Variants in STIM2 observed in about 807,000 individuals in gnomAD.
STIM2 encodes stromal interaction molecule 2.
A neutral mutation model predicts 85.8 loss-of-function variants in STIM2; 31 were observed. The ratio of observed to expected loss-of-function variants is 0.36; its 90% CI spans 0.27 to 0.49. The LOEUF is 0.49. STIM2 is among the 20% of genes least tolerant of loss of function. STIM2 has a pLI of 0.98. For synonymous variants in STIM2, 356 were observed against 331.1 expected, an observed-to-expected ratio of 1.08 and a Z score of -0.82; for missense variants, 841 against 927.6, an observed-to-expected ratio of 0.91 and a Z score of 1.21.
chr4:26,947,182 A>G (rs1725865337), intron 2 of STIM2, among the ~76,000 whole-genome samples: 1 of 152,108 alleles, frequency 6.6e-6, no homozygotes, highest in African/African-American at 2.4e-5. Context: ...ATAACATCAG[A>G]ACTTAGGAGG....
intron 11 of STIM2, among the ~76,000 whole-genome samples, chr4:27,020,742 G>A (rs1016972172): frequency 3.9e-5 from 6 of 152,190 alleles, no homozygotes; most frequent in African/African-American, 1.2e-4. Flanking sequence ...TCTAAGGTAA[G>A]AGATCATTTA....
intron 10 of STIM2, among the ~76,000 whole-genome samples, chr4:27,013,384 A>G (rs556131960): frequency 2.6e-5 from 4 of 152,110 alleles, no homozygotes; most frequent in East Asian, 3.9e-4. Flanking sequence ...ATAGGTATGT[A>G]TGCATAGGAA....
chr4:26,956,247 A>G (rs1726233076), intron 2 of STIM2, among the ~76,000 whole-genome samples: 10 of 151,886 alleles, frequency 6.6e-5, no homozygotes, highest in Middle Eastern at 3.4e-3. Flanking sequence ...AAAAACTATT[A>G]GTTTCACATA....
At position 26,886,132 on chromosome 4, in the gene STIM2, C is replaced by G. The variant is rs538243751; in HGVS notation, c.151+24763C>G. 2.0e-5 allele frequency among the ~76,000 whole-genome samples: 3 copies of G among 152,018 alleles called. No individual in the cohort carries two copies. In the East Asian group the frequency reaches 5.8e-4, roughly 29 times the overall value. On this transcript the variant is annotated intron_variant, in intron 1 of 11. Coordinates refer to ENST00000467087, the MANE Select transcript of STIM2 (RefSeq NM_020860.4). ...GGCAGAACATTTACTTTCATATTCT[C>G]TGTAAAACCAAATCAGTGAGAAGGA...
intron 2 of STIM2, among the ~76,000 whole-genome samples, chr4:26,951,539 A>G (rs181440047): frequency 2.0e-5 from 3 of 152,114 alleles, no homozygotes; most frequent in Admixed American, 6.5e-5. Context: ...TGTGTTCAGT[A>G]TCTTGAAAAC....
chr4:26,931,540 A>G (rs1025747530), intron 2 of STIM2, among the ~76,000 whole-genome samples: 7 of 152,192 alleles, frequency 4.6e-5, no homozygotes, highest in African/African-American at 1.7e-4. Flanking sequence ...TTGTAATAGG[A>G]TATGTGTAGA....
At chr4:26,872,303 T>C (rs1235999578) in intron 1 of STIM2, among the ~76,000 whole-genome samples, 1 of 152,168 alleles carries the variant, frequency 6.6e-6, no homozygotes, top group African/African-American at 2.4e-5. Context: ...AGCAGTGTGA[T>C]ATTAAAAAAA....
At chr4:26,979,997 C>CAA (rs1359452753) in intron 3 of STIM2, among the ~76,000 whole-genome samples, 4 of 152,200 alleles carry the variant, frequency 2.6e-5, no homozygotes, top group Non-Finnish European at 5.9e-5. Flanking sequence ...CTACTGGCCT[C>CAA]AAGCGATCCT....
chr4:26,878,278 C>T (rs1033416918), intron 1 of STIM2, among the ~76,000 whole-genome samples: 4 of 152,114 alleles, frequency 2.6e-5, no homozygotes, highest in Non-Finnish European at 5.9e-5. Context: ...CCTTTTCGGT[C>T]GTCCCTTCTC....
intron 3 of STIM2, among the ~76,000 whole-genome samples, chr4:26,970,492 G>A (rs892253210): frequency 6.6e-6 from 1 of 151,894 alleles, no homozygotes; most frequent in African/African-American, 2.4e-5. Context: ...AGAACATGTG[G>A]TGTTTGGTTT....
intron 1 of STIM2, among the ~76,000 whole-genome samples, chr4:26,902,101 T>A (rs1723945254): frequency 6.6e-6 from 1 of 152,044 alleles, no homozygotes; most frequent in Non-Finnish European, 1.5e-5. Context: ...GAAGTGGTGA[T>A]GTGACCAGAT....
At chr4:26,883,026 T>G (rs1352838077) in intron 1 of STIM2, among the ~76,000 whole-genome samples, 1 of 151,538 alleles carries the variant, frequency 6.6e-6, no homozygotes, top group Non-Finnish European at 1.5e-5. Flanking sequence ...TTTTTGTATT[T>G]TTAGTAGAGA....
intron 1 of STIM2, among the ~76,000 whole-genome samples, chr4:26,888,990 C>T (rs761276655): frequency 2.6e-5 from 4 of 152,114 alleles, no homozygotes; most frequent in Non-Finnish European, 5.9e-5. Context: ...GTCTTAATGT[C>T]GGTTCAGTGG....
At chr4:26,878,121 T>C (rs1422351224) in intron 1 of STIM2, among the ~76,000 whole-genome samples, 1 of 152,242 alleles carries the variant, frequency 6.6e-6, no homozygotes, top group Admixed American at 6.5e-5. Context: ...GACACTGCTC[T>C]GTTGGCAGCT....
intron 1 of STIM2, among the ~76,000 whole-genome samples, chr4:26,916,738 A>C (rs1577436133): frequency 6.6e-6 from 1 of 150,882 alleles, no homozygotes; most frequent in African/African-American, 2.4e-5. Flanking sequence ...TTAATGTTTT[A>C]TGTTTTTTTT....
chr4:27,008,386 T>C, intron 8 of STIM2, 42 bp from the exon 9 acceptor site: 1 of 1,286,812 alleles, frequency 7.8e-7, no homozygotes, highest in Non-Finnish European at 1.1e-6. Context: ...ATGTCTGTAT[T>C]TTTTTCAAAC....
rs141922019 is a variant in STIM2, at chr4:27,017,804, G to T, written c.1583G>T (p.Arg528Leu). Residue 528 changes from arginine to leucine, a missense_variant, in exon 11 of 12, where the codon CGA (arginine) becomes CTA (leucine). Coordinates refer to ENST00000467087, the MANE Select transcript of STIM2 (RefSeq NM_020860.4). Reference sequence around the variant, plus strand: ...GTGCCGTCCTCGCCTCAGCCTCAGCGAGCTCAGCTTGCTCCACACGCCCCC... The same window carrying T: ...GTGCCGTCCTCGCCTCAGCCTCAGCTAGCTCAGCTTGCTCCACACGCCCCC... 7 of 1,614,024 alleles carry T rather than the reference G, an allele frequency of 4.3e-6. No individual in the cohort carries two copies. The highest frequency in any genetic ancestry group is 5.9e-6 in the Non-Finnish European group (7 of 1,180,000).
chr4:26,874,993 T>C (rs963338258), intron 1 of STIM2, among the ~76,000 whole-genome samples: 3 of 152,244 alleles, frequency 2.0e-5, no homozygotes, highest in Non-Finnish European at 4.4e-5. Flanking sequence ...GTATTATGAT[T>C]GCTACGCGTT....
At chr4:27,006,265 A>C (rs531344044) in intron 7 of STIM2, among the ~76,000 whole-genome samples, 1 of 152,208 alleles carries the variant, frequency 6.6e-6, no homozygotes, top group African/African-American at 2.4e-5. Context: ...TTTTCTACGT[A>C]ATTCTTTGTT....
Sources: gnomAD v4.1 joint callset for allele counts (sites outside exome capture counted in the v4.1 genomes callset) on GRCh38, gnomAD v4.1.1 for gene constraint, MANE v1.5 for transcripts, NCBI Gene and HGNC (gene_info 2026-07-23, HGNC 2026-07-21) for gene names.